Variants in AXDND1 observed in about 807,000 individuals in gnomAD.
The protein encoded by AXDND1 is axonemal dynein light chain domain-containing protein 1.
AXDND1 carries 110 observed loss-of-function variants against 137.5 expected under a neutral mutation model. That is an observed-to-expected ratio of 0.80 (90% CI 0.69 to 0.94). AXDND1 has a LOEUF of 0.94. Among genes scored for constraint, AXDND1 ranks in the 40% least tolerant of loss-of-function variants. The pLI is 0.00. For missense variants in AXDND1, 1,191 were observed against 1,169.8 expected (o/e 1.02, Z -0.26); for synonymous variants, 414 against 399.7 (o/e 1.04, Z -0.43).
chr1:179,513,379 T>C (rs1428153108), intron 21 of AXDND1, among the ~76,000 whole-genome samples: 1 of 152,208 alleles, frequency 6.6e-6, no homozygotes, highest in Middle Eastern at 3.2e-3. Context: ...TTGACTTGTG[T>C]ATGTTAAACC....
intron 16 of AXDND1, among the ~76,000 whole-genome samples, chr1:179,464,396 A>G (rs1354035828): frequency 6.6e-6 from 1 of 152,160 alleles, no homozygotes; most frequent in African/African-American, 2.4e-5. Flanking sequence ...CTGGATATGA[A>G]ATTCTGGGTT....
chr1:179,523,194 A>G (rs1041795881), intron 21 of AXDND1, among the ~76,000 whole-genome samples: 1 of 144,104 alleles, frequency 6.9e-6, no homozygotes, highest in Non-Finnish European at 1.5e-5. Flanking sequence ...TTGAAAATCT[A>G]TTATTGTTTT....
chr1:179,430,560 C>T lies in AXDND1; in HGVS notation c.1441C>T (p.Leu481=), dbSNP rs1657216175. ...EQMEESTSET[L]KIVKDGLIKW... ...AATGGAAGAGTCTACAAGCGAGACA[C>T]TGAAAATTGTTAAGGATGGGCTTAT... The change falls in exon 14 of 26, where the codon CTG becomes TTG. Residue 481 remains leucine, a synonymous_variant. Coordinates refer to ENST00000367618, the MANE Select transcript of AXDND1 (RefSeq NM_144696.6). The T allele has an allele frequency of 6.2e-7, 1 of 1,613,764 alleles. No homozygotes were observed. Among genetic ancestry groups the T allele is most frequent in the Non-Finnish European group, 8.5e-7 (1 of 1,179,880 alleles).
At chr1:179,503,222 G>C (rs930741740) in intron 20 of AXDND1, among the ~76,000 whole-genome samples, 2 of 151,988 alleles carry the variant, frequency 1.3e-5, no homozygotes, top group Admixed American at 6.6e-5. Flanking sequence ...TGGCATGTAG[G>C]GAGCAATTCT....
chr1:179,436,854 T>TA (rs879627205), intron 15 of AXDND1, among the ~76,000 whole-genome samples: 33 of 141,594 alleles, frequency 2.3e-4, no homozygotes, highest in East Asian at 6.1e-4. Flanking sequence ...AAACTTAGAG[T>TA]AAAAAAAAAA....
chr1:179,458,536 A>C (rs910121409), intron 16 of AXDND1, among the ~76,000 whole-genome samples: 1 of 152,122 alleles, frequency 6.6e-6, no homozygotes, highest in Non-Finnish European at 1.5e-5. Context: ...AGCTTAGCAA[A>C]GATTAAAAGC....
At chr1:179,450,987 G>A (rs1415858375) in intron 16 of AXDND1, 1 of 152,190 alleles carries the variant, frequency 6.6e-6, no homozygotes, top group Non-Finnish European at 1.5e-5. Flanking sequence ...GCTTTGGTTT[G>A]CAGGTATTTG....
chr1:179,525,460 G>A lies in AXDND1; in HGVS notation c.2610+13G>A, dbSNP rs201358795. On this transcript the variant is annotated intron_variant, in intron 22 of 25. Coordinates refer to ENST00000367618, the MANE Select transcript of AXDND1 (RefSeq NM_144696.6). ...GAGAGCAGAAGAAGTAAGATTATTT[G>A]GTATTTGTTTTTCCTCCTACATACA... is the stretch of plus-strand genomic sequence containing the variant. The A allele has an allele frequency of 6.3e-7, 1 of 1,589,184 alleles. No homozygotes were observed. The highest frequency in any genetic ancestry group is 2.3e-5 in the East Asian group (1 of 44,194).
At chr1:179,404,726 T>A (rs543467717) in intron 11 of AXDND1, among the ~76,000 whole-genome samples, 1 of 152,248 alleles carries the variant, frequency 6.6e-6, no homozygotes, top group Non-Finnish European at 1.5e-5. Flanking sequence ...TTTTTTGTTG[T>A]TGTGTCTTTG....
intron 2 of AXDND1, among the ~76,000 whole-genome samples, chr1:179,368,274 TC>T (rs1308925901): frequency 6.6e-6 from 1 of 152,184 alleles, no homozygotes; most frequent in East Asian, 1.9e-4. Context: ...CTCAGATTGT[TC>T]CACTCTCATT....
intron 11 of AXDND1, among the ~76,000 whole-genome samples, chr1:179,407,719 G>A (rs1165447230): frequency 6.6e-6 from 1 of 152,078 alleles, no homozygotes; most frequent in African/African-American, 2.4e-5. Flanking sequence ...AAATATCTTT[G>A]TGGGTTGACT....
chr1:179,512,220 A>T (rs1035414944), intron 21 of AXDND1, among the ~76,000 whole-genome samples: 1 of 152,186 alleles, frequency 6.6e-6, no homozygotes, highest in Non-Finnish European at 1.5e-5. Context: ...TCCTTAATCC[A>T]TCTTGAGTTG....
At chr1:179,523,245 T>G (rs1386203245) in intron 21 of AXDND1, among the ~76,000 whole-genome samples, 1 of 2,628 alleles carries the variant, frequency 3.8e-4, no homozygotes, top group Non-Finnish European at 1.5e-3. Context: ...TTGTTTTTGT[T>G]TTTTTTTTTT....
At chr1:179,384,075 CATAG>C (rs1648817864) in intron 8 of AXDND1, among the ~76,000 whole-genome samples, 2 of 152,034 alleles carry the variant, frequency 1.3e-5, no homozygotes, top group Admixed American at 1.3e-4. Context: ...TTTAGTCTTA[CATAG>C]ATAGAGACCT....
At chr1:179,517,232 G>T (rs1219953634) in intron 21 of AXDND1, among the ~76,000 whole-genome samples, 1 of 152,096 alleles carries the variant, frequency 6.6e-6, no homozygotes, top group African/African-American at 2.4e-5. Context: ...GGAAGTGGGG[G>T]AAAGCAGGCG....
intron 15 of AXDND1, among the ~76,000 whole-genome samples, chr1:179,439,731 C>T (rs1382152285): frequency 2.0e-5 from 3 of 152,176 alleles, no homozygotes; most frequent in Non-Finnish European, 4.4e-5. Flanking sequence ...TTGATGTCAT[C>T]GTGACCCTTG....
chr1:179,528,641 C>CTTTT (rs34531104), intron 23 of AXDND1, among the ~76,000 whole-genome samples: 65 of 115,342 alleles, frequency 5.6e-4, no homozygotes, highest in Non-Finnish European at 7.5e-4. Context: ...CTTTAAACCT[C>CTTTT]TTTTTTTTTT....
intron 2 of AXDND1, among the ~76,000 whole-genome samples, chr1:179,367,869 G>T (rs1667618678): frequency 6.6e-6 from 1 of 152,104 alleles, no homozygotes; most frequent in Non-Finnish European, 1.5e-5. Context: ...TCGTTCATAT[G>T]CGGATCTGTA....
chr1:179,380,228 G>A (rs1008391691), intron 6 of AXDND1, among the ~76,000 whole-genome samples: 4 of 150,930 alleles, frequency 2.7e-5, no homozygotes, highest in African/African-American at 4.9e-5. Flanking sequence ...CAGCCTGGGC[G>A]ACAGAGTGAG....
Sources: gnomAD v4.1 joint callset for allele counts (sites outside exome capture counted in the v4.1 genomes callset) on GRCh38, gnomAD v4.1.1 for gene constraint, MANE v1.5 for transcripts, NCBI Gene and HGNC (gene_info 2026-07-23, HGNC 2026-07-21) for gene names.